LRRFIP1: variants seen among roughly 807,000 people sequenced by gnomAD.
LRRFIP1 encodes leucine-rich repeat flightless-interacting protein 1.
In LRRFIP1, 62 loss-of-function variants were observed where a neutral mutation model predicts 104.4. The ratio of observed to expected loss-of-function variants is 0.59; its 90% CI spans 0.48 to 0.73. The LOEUF is 0.73. LRRFIP1 is among the 30% of genes least tolerant of loss of function. The pLI, the probability that LRRFIP1 is intolerant of heterozygous loss-of-function variation, is 0.00. For missense variants in LRRFIP1, 796 were observed against 824.5 expected, an observed-to-expected ratio of 0.97 and a Z score of 0.42; for synonymous variants, 300 against 299.0, an observed-to-expected ratio of 1.00 and a Z score of -0.03.
intron 2 of LRRFIP1, 131 bp downstream of exon 2, chr2:237,708,761 C>T (rs779416703): frequency 4.8e-6 from 5 of 1,032,624 alleles, no homozygotes; most frequent in Non-Finnish European, 7.4e-6. Context: ...AGTGCGTTTG[C>T]GCCTGTGACT....
In LRRFIP1 at chr2:237,780,762, G is replaced by A. The variant is rs55824227; in HGVS notation, c.*1230G>A. On this transcript the variant is annotated 3_prime_UTR_variant, in exon 24 of 24. Transcript: ENST00000308482. ...AAAACACTCCCAGCATAATGCTAGG[G>A]GTCACCAGTGTCCATCCCCCAGAAC... is the stretch of plus-strand genomic sequence containing the variant. 0.041 allele frequency among the ~76,000 whole-genome samples: 6,280 copies of A among 152,178 alleles called. 164 individuals are homozygous for A. Among genetic ancestry groups the A allele is most frequent in the Middle Eastern group, 0.071 (21 of 294 alleles).
intron 1 of LRRFIP1, among the ~76,000 whole-genome samples, chr2:237,651,907 C>CTTTAT (rs2085994792): frequency 6.6e-6 from 1 of 152,240 alleles, no homozygotes; most frequent in Admixed American, 6.5e-5. Flanking sequence ...AGCCTCTCAG[C>CTTTAT]TTTAGTTCAC....
chr2:237,650,928 TG>T (rs897141753), intron 1 of LRRFIP1, among the ~76,000 whole-genome samples: 26 of 152,140 alleles, frequency 1.7e-4, no homozygotes, highest in Non-Finnish European at 2.9e-5. Context: ...TTGCCTCTGC[TG>T]GGCACTCGGC....
intron 11 of LRRFIP1, among the ~76,000 whole-genome samples, 193 bp from the exon 12 acceptor site, chr2:237,748,171 A>G (rs2058123193): frequency 6.6e-6 from 1 of 152,214 alleles, no homozygotes; most frequent in Non-Finnish European, 1.5e-5. Flanking sequence ...AGGACAAGAG[A>G]AGAAGGGGCC....
chr2:237,678,671 A>G (rs137958444), intron 1 of LRRFIP1, among the ~76,000 whole-genome samples: 1,808 of 151,890 alleles, frequency 0.012, 27 homozygotes, highest in East Asian at 0.047. Context: ...AAGCCCAGCT[A>G]ATTTTTGGAT....
chr2:237,775,796 C>T (rs1217548046), intron 23 of LRRFIP1, among the ~76,000 whole-genome samples: 1 of 151,892 alleles, frequency 6.6e-6, no homozygotes, highest in Admixed American at 6.6e-5. Flanking sequence ...CATGAGCGTG[C>T]CACTGCACTC....
At chr2:237,657,651 A>G (rs1393457507) in intron 1 of LRRFIP1, among the ~76,000 whole-genome samples, 1 of 152,264 alleles carries the variant, frequency 6.6e-6, no homozygotes, top group Non-Finnish European at 1.5e-5. Context: ...TCAAACTGTC[A>G]TTCAAAAATA....
chr2:237,689,896 G>T (rs980544228), intron 1 of LRRFIP1, among the ~76,000 whole-genome samples: 1 of 152,206 alleles, frequency 6.6e-6, no homozygotes, highest in East Asian at 1.9e-4. Flanking sequence ...GGATCCCCGT[G>T]TTAGAGCCTT....
In LRRFIP1 at chr2:237,780,606, C is replaced by G. The variant is rs963273113; in HGVS notation, c.*1074C>G. ...CATATATGTTGTATTTCAAGTATGGCTGGTGAAGCCAGTCAGCTTTTCGGG... is the reference window on the plus strand; with the variant it reads ...CATATATGTTGTATTTCAAGTATGGGTGGTGAAGCCAGTCAGCTTTTCGGG... On this transcript the variant is annotated 3_prime_UTR_variant, in exon 24 of 24. Transcript: ENST00000308482. Among the ~76,000 whole-genome samples the G allele has an allele frequency of 6.6e-6, 1 of 152,140 alleles. No individual in the cohort carries two copies. The highest frequency in any genetic ancestry group is 2.4e-5 in the African/African-American group (1 of 41,436).
At chr2:237,639,390 C>A (rs191529749) in intron 1 of LRRFIP1, among the ~76,000 whole-genome samples, 26 of 152,330 alleles carry the variant, frequency 1.7e-4, no homozygotes, top group Non-Finnish European at 2.6e-4. Context: ...AAGTTTGAAG[C>A]ATGTTACCAT....
intron 1 of LRRFIP1, among the ~76,000 whole-genome samples, chr2:237,671,825 CAT>C (rs372266606): frequency 0.015 from 2,223 of 148,840 alleles, 58 homozygotes; most frequent in African/African-American, 0.048. Flanking sequence ...TGTGTGTGCA[CAT>C]GTGTGTGTGT....
At chr2:237,688,710 C>T (rs1163701529) in intron 1 of LRRFIP1, among the ~76,000 whole-genome samples, 2 of 152,078 alleles carry the variant, frequency 1.3e-5, no homozygotes, top group Admixed American at 6.5e-5. Flanking sequence ...CCACCCTCCT[C>T]GGCCTCCCCA....
In LRRFIP1 at chr2:237,657,593, T is replaced by C. The variant is rs564570185; in HGVS notation, c.96+29853T>C. Among the ~76,000 whole-genome samples the C allele has an allele frequency of 3.9e-5, 6 of 152,316 alleles. No individual in the cohort carries two copies. The East Asian group carries it at 1.2e-3, about 29-fold the overall frequency. On this transcript the variant is annotated intron_variant, in intron 1 of 23. Transcript: ENST00000308482. ...CACTATTAGAAGAAAGTTATGGCAA[T>C]GTCTACAAAGCCTTAAGGAAAGAAA...
intron 1 of LRRFIP1, among the ~76,000 whole-genome samples, chr2:237,662,523 A>G (rs895704316): frequency 6.6e-6 from 1 of 152,090 alleles, no homozygotes; most frequent in African/African-American, 2.4e-5. Flanking sequence ...TTTCAGGTCC[A>G]ATGTCTGAAT....
intron 12 of LRRFIP1, among the ~76,000 whole-genome samples, chr2:237,748,696 C>G (rs1357198394): frequency 6.6e-6 from 1 of 152,108 alleles, no homozygotes; most frequent in Non-Finnish European, 1.5e-5. Context: ...CCCCTCCTTA[C>G]AGTTTACTAT....
chr2:237,657,829 A>G (rs1200795533), intron 1 of LRRFIP1, among the ~76,000 whole-genome samples: 6 of 152,232 alleles, frequency 3.9e-5, no homozygotes, highest in African/African-American at 1.4e-4. Context: ...ACATTGTTCC[A>G]TGGAATCACT....
At chr2:237,723,927 C>T (rs1480187457) in intron 7 of LRRFIP1, among the ~76,000 whole-genome samples, 1 of 152,244 alleles carries the variant, frequency 6.6e-6, no homozygotes, top group African/African-American at 2.4e-5. Flanking sequence ...GAACTCAAAT[C>T]AGATCAAGAA....
chr2:237,696,708 G>C (rs2093207886), intron 1 of LRRFIP1, among the ~76,000 whole-genome samples: 1 of 152,218 alleles, frequency 6.6e-6, no homozygotes, highest in Admixed American at 6.5e-5. Context: ...TGCTGACTCG[G>C]AACTGGTACT....
intron 11 of LRRFIP1, among the ~76,000 whole-genome samples, chr2:237,747,227 A>C (rs1019815930): frequency 6.6e-6 from 1 of 152,188 alleles, no homozygotes; most frequent in Non-Finnish European, 1.5e-5. Context: ...TGATCCCTTA[A>C]CTGGCTGACC....
Sources: gnomAD v4.1 joint callset for allele counts (sites outside exome capture counted in the v4.1 genomes callset) on GRCh38, gnomAD v4.1.1 for gene constraint, MANE v1.5 for transcripts, NCBI Gene and HGNC (gene_info 2026-07-23, HGNC 2026-07-21) for gene names.